LINGO2: variants seen among roughly 807,000 people sequenced by gnomAD.
The protein encoded by LINGO2 is leucine rich repeat and Ig domain containing 2, also known as leucine-rich repeat and immunoglobulin-like domain-containing nogo receptor-interacting protein 2.
A neutral mutation model predicts 30.6 loss-of-function variants in LINGO2; 14 were observed. The ratio of observed to expected loss-of-function variants is 0.46; its 90% CI spans 0.30 to 0.72. The LOEUF is 0.72. Ranked by LOEUF, LINGO2 falls within the 30% of genes least tolerant of loss-of-function variation. The probability of loss-of-function intolerance (pLI) is 0.07; values close to 1 mark genes in which losing one functional copy is unlikely to be tolerated. For missense variants in LINGO2, 729 were observed against 751.7 expected (o/e 0.97, Z 0.35); for synonymous variants, 317 against 288.5 (o/e 1.10, Z -1.00).
chr9:28,056,031 G>C (rs184099712), intron 4 of LINGO2, among the ~76,000 whole-genome samples: 3 of 152,180 alleles, frequency 2.0e-5, no homozygotes, highest in South Asian at 4.1e-4. Flanking sequence ...GAAAACTTAA[G>C]ACAAAAGAAA....
intron 3 of LINGO2, among the ~76,000 whole-genome samples, chr9:28,334,350 C>T (rs1825520157): frequency 6.6e-6 from 1 of 152,096 alleles, no homozygotes; most frequent in Admixed American, 6.6e-5. Context: ...TATTTAAAGA[C>T]ACTATTCAGC....
chr9:28,343,627 GA>G (rs1819450435), intron 3 of LINGO2, among the ~76,000 whole-genome samples: 1 of 151,940 alleles, frequency 6.6e-6, no homozygotes, highest in African/African-American at 2.4e-5. Flanking sequence ...AACATAATAG[GA>G]AAAAACATCC....
the LINGO2 span, among the ~76,000 whole-genome samples, chr9:29,147,959 G>C: frequency 6.6e-6 from 1 of 151,960 alleles, no homozygotes; most frequent in Non-Finnish European, 1.5e-5. Flanking sequence ...TAAATATTAT[G>C]TATAGCGATA....
intron 2 of LINGO2, among the ~76,000 whole-genome samples, chr9:28,402,640 C>T (rs1822320316): frequency 1.3e-5 from 2 of 151,804 alleles, no homozygotes; most frequent in Admixed American, 6.6e-5. Flanking sequence ...CTCTCCTTCA[C>T]TCTCTCCTCC....
chr9:28,251,007 A>T (rs1043104278), intron 4 of LINGO2, among the ~76,000 whole-genome samples: 1 of 152,108 alleles, frequency 6.6e-6, no homozygotes, highest in African/African-American at 2.4e-5. Flanking sequence ...CCACCTGGCA[A>T]TCACAAGGTG....
chr9:28,455,111 C>T (rs190078695), intron 2 of LINGO2, among the ~76,000 whole-genome samples: 50 of 151,968 alleles, frequency 3.3e-4, no homozygotes, highest in Admixed American at 1.3e-4. Flanking sequence ...AATAAAATTT[C>T]CCTTCTGTTT....
the LINGO2 span, among the ~76,000 whole-genome samples, chr9:29,167,049 TAAAG>T: frequency 3.9e-5 from 6 of 152,164 alleles, no homozygotes; most frequent in Admixed American, 1.3e-4. Flanking sequence ...TCCTTGCAAA[TAAAG>T]AAATCCAAAA....
At chr9:29,050,085 G>A in the LINGO2 span, among the ~76,000 whole-genome samples, 1 of 151,842 alleles carries the variant, frequency 6.6e-6, no homozygotes, top group Non-Finnish European at 1.5e-5. Flanking sequence ...GAGTGCAGTG[G>A]TACAATCTCG....
the LINGO2 span, among the ~76,000 whole-genome samples, chr9:28,835,481 T>G: frequency 6.6e-6 from 1 of 152,188 alleles, no homozygotes; most frequent in African/African-American, 2.4e-5. Context: ...TCCACAGATT[T>G]GTTAATTCAA....
chr9:29,084,079 A>T, the LINGO2 span, among the ~76,000 whole-genome samples: 1 of 150,794 alleles, frequency 6.6e-6, no homozygotes. Flanking sequence ...CTAAAACTGT[A>T]TAAGTAATAA....
chr9:28,202,504 G>C (rs1235439688), intron 4 of LINGO2, among the ~76,000 whole-genome samples: 1 of 152,060 alleles, frequency 6.6e-6, no homozygotes, highest in East Asian at 1.9e-4. Context: ...TCACTAATTA[G>C]TTTTTAGGGT....
intron 2 of LINGO2, among the ~76,000 whole-genome samples, chr9:28,456,176 A>G (rs564976338): frequency 2.0e-4 from 31 of 152,316 alleles, no homozygotes; most frequent in Middle Eastern, 3.4e-3. Flanking sequence ...TTATTGAGGT[A>G]AGTGCTATTG....
At chr9:28,545,360 C>T (rs1367963112) in intron 1 of LINGO2, among the ~76,000 whole-genome samples, 1 of 152,024 alleles carries the variant, frequency 6.6e-6, no homozygotes, top group East Asian at 1.9e-4. Context: ...TACCTAAAGA[C>T]ATTTCTGTTC....
the LINGO2 span, among the ~76,000 whole-genome samples, chr9:29,032,699 A>T: frequency 6.6e-6 from 1 of 152,126 alleles, no homozygotes; most frequent in Non-Finnish European, 1.5e-5. Flanking sequence ...GTAGACCAAA[A>T]ATGATTAACA....
At chr9:28,938,371 T>C in the LINGO2 span, among the ~76,000 whole-genome samples, 1 of 152,198 alleles carries the variant, frequency 6.6e-6, no homozygotes, top group African/African-American at 2.4e-5. Context: ...TTAAGTTCAA[T>C]TTCCTTTTTG....
the LINGO2 span, among the ~76,000 whole-genome samples, chr9:28,698,001 A>T: frequency 3.1e-4 from 47 of 152,182 alleles, no homozygotes; most frequent in Non-Finnish European, 6.6e-4. Context: ...ATCACTTCCA[A>T]ATATTGGTAA....
the LINGO2 span, among the ~76,000 whole-genome samples, chr9:28,754,593 G>A: frequency 2.0e-5 from 3 of 151,636 alleles, no homozygotes; most frequent in Non-Finnish European, 4.4e-5. Context: ...AGAACACAGA[G>A]ACTAGCATTC....
the LINGO2 span, among the ~76,000 whole-genome samples, chr9:29,183,713 A>G: frequency 6.6e-6 from 1 of 151,976 alleles, no homozygotes; most frequent in African/African-American, 2.4e-5. Flanking sequence ...GCTGCTATTC[A>G]ATGCCATTTC....
In LINGO2 at chr9:28,307,229, C is replaced by T. The variant is rs572754345; in HGVS notation, c.-245-11863G>A. Among the ~76,000 whole-genome samples, 13 of 152,260 alleles carry T rather than the reference C, an allele frequency of 8.5e-5. No homozygotes were observed. In the South Asian group the frequency reaches 2.7e-3, roughly 32 times the overall value. ...AGCAACACATCAAAAAGCTTATCCA[C>T]CATGGTCAAGTGGGCTTCATCCCTG... On this transcript the variant is annotated intron_variant, in intron 3 of 5. Coordinates refer to ENST00000379992, the Ensembl canonical transcript of LINGO2.
Sources: gnomAD v4.1 joint callset for allele counts (sites outside exome capture counted in the v4.1 genomes callset) on GRCh38, gnomAD v4.1.1 for gene constraint, MANE v1.5 for transcripts, NCBI Gene and HGNC (gene_info 2026-07-23, HGNC 2026-07-21) for gene names.